The following RP1 variants were observed in gnomAD, a reference collection of about 807,000 sequenced individuals.
RP1 encodes oxygen-regulated protein 1.
A neutral mutation model predicts 14.8 loss-of-function variants in RP1; 16 were observed. That is an observed-to-expected ratio of 1.08 (90% CI 0.73 to 1.65). RP1 has a LOEUF of 1.65. Ranked by LOEUF, RP1 falls within the 40% of genes most tolerant of loss-of-function variation. The probability of loss-of-function intolerance (pLI) is 0.00; values close to 1 mark genes in which losing one functional copy is unlikely to be tolerated. For synonymous variants in RP1, 876 were observed against 883.6 expected (o/e 0.99, Z 0.15); for missense variants, 2,631 against 2,535.0 (o/e 1.04, Z -0.81).
At chr8:54,662,983 C>T (rs1005118321) in intron 6 of RP1, among the ~76,000 whole-genome samples, 2 of 152,142 alleles carry the variant, frequency 1.3e-5, no homozygotes, top group African/African-American at 4.8e-5. Context: ...TCTCCTTGAT[C>T]TCAGTTCTTC....
chr8:54,867,629 GT>G (rs1013412704), intron 28 of RP1, among the ~76,000 whole-genome samples: 7 of 152,142 alleles, frequency 4.6e-5, no homozygotes, highest in African/African-American at 1.7e-4. Context: ...CTCCATGATG[GT>G]AAATGTTATT....
At chr8:54,726,052 T>C (rs1808647007) in intron 16 of RP1, among the ~76,000 whole-genome samples, 1 of 152,210 alleles carries the variant, frequency 6.6e-6, no homozygotes. Context: ...ATTTAGAATC[T>C]ATAAGAAAAA....
intron 22 of RP1, among the ~76,000 whole-genome samples, chr8:54,762,520 G>T (rs1295350312): frequency 6.6e-6 from 1 of 152,146 alleles, no homozygotes; most frequent in Non-Finnish European, 1.5e-5. Flanking sequence ...ATACATCACT[G>T]AATTTCTACC....
intron 5 of RP1, among the ~76,000 whole-genome samples, chr8:54,655,191 G>A (rs1363436952): frequency 6.6e-6 from 1 of 152,142 alleles, no homozygotes; most frequent in African/African-American, 2.4e-5. Context: ...ACATACTGAA[G>A]TTTTAAAGTA....
rs376944355 is a variant in RP1, at chr8:54,733,270, A to G, written c.2522-1275A>G. Among the ~76,000 whole-genome samples the G allele has an allele frequency of 4.6e-5, 7 of 152,140 alleles. No individual in the cohort carries two copies. The South Asian group carries it at 6.2e-4, about 14-fold the overall frequency. On this transcript the variant is annotated intron_variant, in intron 17 of 22. Transcript: ENST00000636932. ...TGAGCATCATAATTTGACTCACCTT[A>G]TGAGTTTGGAATGAGGATTGAATGA...
At chr8:54,701,737 A>C (rs1808025953) in intron 14 of RP1, 1 of 1,336,074 alleles carries the variant, frequency 7.5e-7, no homozygotes, top group African/African-American at 1.5e-5. Context: ...CAAAAGTCTT[A>C]AATTGAGTCA....
At chr8:54,755,606 G>A (rs1213830788) in intron 20 of RP1, 1 of 1,535,636 alleles carries the variant, frequency 6.5e-7, no homozygotes, top group Admixed American at 2.0e-5. Flanking sequence ...TTCTCTCCCT[G>A]TTGCTTTGCC....
intron 12 of RP1, among the ~76,000 whole-genome samples, chr8:54,686,055 C>T (rs1807556958): frequency 6.6e-6 from 1 of 152,154 alleles, no homozygotes; most frequent in Admixed American, 6.6e-5. Context: ...ACTTTTTACC[C>T]TTCAGTGTTT....
chr8:54,624,644 A>T, intron 3 of RP1, 26 bp from the exon 4 acceptor site: 1 of 1,611,994 alleles, frequency 6.2e-7, no homozygotes, highest in South Asian at 1.1e-5. Context: ...TGATGTGGGC[A>T]CCTTTTACTC....
At chr8:54,652,099 C>T (rs756963006) in intron 4 of RP1, among the ~76,000 whole-genome samples, 35 of 151,932 alleles carry the variant, frequency 2.3e-4, no homozygotes, top group Non-Finnish European at 4.4e-4. Context: ...CCTCTGCCTC[C>T]CGAGTTCAAG....
intron 18 of RP1, among the ~76,000 whole-genome samples, chr8:54,737,925 T>C (rs1017368885): frequency 2.0e-5 from 3 of 152,130 alleles, no homozygotes; most frequent in Non-Finnish European, 4.4e-5. Context: ...TTGGTGCCTG[T>C]AGTAGAAATA....
At chr8:54,869,970 A>T (rs1039990536) in exon 29 of RP1, 4 of 1,036,682 alleles carry the variant, frequency 3.9e-6, no homozygotes, top group African/African-American at 1.7e-5. Flanking sequence ...TGTCGCTCCA[A>T]TATGCTTCAA....
chr8:54,774,573 A>C (rs1809989558), downstream of RP1, among the ~76,000 whole-genome samples: 2 of 152,234 alleles, frequency 1.3e-5, no homozygotes, highest in African/African-American at 4.8e-5. Context: ...GTGAGCAACC[A>C]GGAAGACAGT....
At chr8:54,833,456 C>T (rs1479044934) in intron 24 of RP1, among the ~76,000 whole-genome samples, 3 of 151,844 alleles carry the variant, frequency 2.0e-5, no homozygotes, top group African/African-American at 7.3e-5. Context: ...AAATAAGTTA[C>T]CCTTCTAGAA....
chr8:54,608,142 G>A (rs1258167970), intron 1 of RP1, among the ~76,000 whole-genome samples: 1 of 151,398 alleles, frequency 6.6e-6, no homozygotes, highest in Admixed American at 6.6e-5. Context: ...TGCTCACACT[G>A]GGAGCTGGAG....
Position 54,585,761 on chromosome 8 carries a change from A to T in RP1, c.-13+26441A>T, listed in dbSNP as rs1286054642. On this transcript the variant is annotated intron_variant, in intron 1 of 22. Transcript: ENST00000636932. ...TTTCATTCATTTAATCTTCCATCAC[A>T]GATACGCTTTCTTCCTGTTGATCGA... is the stretch of plus-strand genomic sequence containing the variant. Among the ~76,000 whole-genome samples the T allele has an allele frequency of 4.6e-5, 7 of 152,186 alleles. No homozygotes were observed. In the East Asian group the frequency reaches 1.4e-3, roughly 29 times the overall value.
chr8:54,603,005 G>A (rs1414329870), intron 1 of RP1, among the ~76,000 whole-genome samples: 1 of 152,090 alleles, frequency 6.6e-6, no homozygotes, highest in African/African-American at 2.4e-5. Flanking sequence ...CACTCTGATG[G>A]TAGTTTCTTC....
Position 54,620,970 on chromosome 8 carries a change from A to T in RP1, c.4A>T (p.Ser2Cys). ...TCTTCTCTAGGTCTCAGCCAAAATG[A>T]GTGATACCCCTTCTACTGGTTTTTC... MSDTPSTGFSII... is the reference protein window; with the variant it reads MCDTPSTGFSII... The change falls in exon 2 of 4, where the codon AGT becomes TGT. Residue 2 changes from serine (S) to cysteine (C), a missense_variant. Ser to Cys is a moderately radical substitution (Grantham distance 112, BLOSUM62 -1). Transcript: ENST00000220676. 2 of 1,614,142 alleles carry T rather than the reference A, an allele frequency of 1.2e-6. No individual in the cohort carries two copies. Among genetic ancestry groups the T allele is most frequent in the Non-Finnish European group, 8.5e-7 (1 of 1,180,028 alleles).
rs767092250 is a variant in RP1, at chr8:54,630,199, T to G, written c.6317T>G (p.Leu2106Ter). ...GAAATGCTTGGTCAAGCTTGCCTCTTAGATATTTGCCAAGTTGAGACCTCC... is the reference window on the plus strand; with the variant it reads ...GAAATGCTTGGTCAAGCTTGCCTCTGAGATATTTGCCAAGTTGAGACCTCC... ...FFEMLGQACL[L>*]DICQVETSLN... is the part of the protein sequence containing the mutation. Residue 2106 changes from leucine (L) to a stop codon, truncating the protein, a stop_gained, in exon 4 of 4, where the codon TTA becomes TGA. Transcript: ENST00000220676. LOFTEE classifies it low-confidence loss of function (END_TRUNC). 6.2e-7 allele frequency: 1 copy of G among 1,613,742 alleles called. No individual in the cohort carries two copies. Among genetic ancestry groups the G allele is most frequent in the Non-Finnish European group, 8.5e-7 (1 of 1,179,948 alleles).
Sources: gnomAD v4.1 joint callset for allele counts (sites outside exome capture counted in the v4.1 genomes callset) on GRCh38, gnomAD v4.1.1 for gene constraint, MANE v1.5 for transcripts, NCBI Gene and HGNC (gene_info 2026-07-23, HGNC 2026-07-21) for gene names.